Variants in SMAD2 observed in about 807,000 individuals in gnomAD.
SMAD2 encodes the protein SMAD family member 2.
Under a neutral mutation model 64.4 loss-of-function variants are expected in SMAD2, and 8 were observed. The ratio of observed to expected loss-of-function variants is 0.12; its 90% CI spans 0.07 to 0.22. The LOEUF (loss-of-function observed/expected upper bound fraction) is 0.22. Ranked by LOEUF, SMAD2 falls within the 10% of genes least tolerant of loss-of-function variation. SMAD2 has a pLI of 1.00. For synonymous variants in SMAD2, 203 were observed against 195.8 expected (o/e 1.04, Z -0.31); for missense variants, 289 against 561.2 (o/e 0.51, Z 4.90).
At chr18:47,876,078 A>G (rs2032245441) in intron 2 of SMAD2, among the ~76,000 whole-genome samples, 1 of 152,072 alleles carries the variant, frequency 6.6e-6, no homozygotes, top group South Asian at 2.1e-4. Flanking sequence ...CTAAGGATAG[A>G]AAATAGGTCT....
At chr18:47,913,099 T>C (rs1222535105) in intron 1 of SMAD2, among the ~76,000 whole-genome samples, 1 of 152,082 alleles carries the variant, frequency 6.6e-6, no homozygotes, top group Non-Finnish European at 1.5e-5. Flanking sequence ...TTTTGTGTTT[T>C]TAGTAGAGAT....
chr18:47,851,389 A>G (rs1347845250), intron 6 of SMAD2, 62 bp from the exon 7 acceptor site: 1 of 1,057,468 alleles, frequency 9.5e-7, no homozygotes, highest in African/African-American at 1.6e-5. Flanking sequence ...AAGTAATCAT[A>G]AAACTAGCTT....
chr18:47,850,844 ATATAT>A lies in SMAD2; in HGVS notation c.784+425_784+429del, dbSNP rs72375080. Among the ~76,000 whole-genome samples, 62 of 20,072 alleles carry A rather than the reference ATATAT, an allele frequency of 3.1e-3. 4 individuals carry two copies. The highest frequency in any genetic ancestry group is 0.025 in the African/African-American group (59 of 2,338). The allele number at this position is 20,072 out of a possible 152,430, so 13.2% of individuals were successfully genotyped here. A position where few individuals can be genotyped will look rare whatever the true frequency, so the allele number is the denominator to read the frequency against. On this transcript the variant is annotated intron_variant, in intron 7 of 10. Coordinates refer to ENST00000262160, the MANE Select transcript of SMAD2 (RefSeq NM_005901.6). ...ATATATTATATATATTATGTATATT[ATATAT>A]TATATATATTATATATATTATGTAT...
intron 3 of SMAD2, among the ~76,000 whole-genome samples, chr18:47,870,059 C>T (rs1208267514): frequency 1.3e-5 from 2 of 150,852 alleles, no homozygotes; most frequent in African/African-American, 4.9e-5. Context: ...ATGAGTTAAC[C>T]TACTGTTAAT....
intron 1 of SMAD2, among the ~76,000 whole-genome samples, chr18:47,925,446 T>C (rs1299371095): frequency 3.9e-5 from 6 of 152,196 alleles, no homozygotes; most frequent in Admixed American, 2.0e-4. Context: ...AGACACAGAA[T>C]TGCCCTAATA....
At chr18:47,864,130 T>C (rs1188153588) in intron 6 of SMAD2, among the ~76,000 whole-genome samples, 1 of 152,162 alleles carries the variant, frequency 6.6e-6, no homozygotes, top group African/African-American at 2.4e-5. Context: ...ATGTGGAAAG[T>C]CAAATATTAT....
chr18:47,913,823 A>G (rs2034234633), intron 1 of SMAD2, among the ~76,000 whole-genome samples: 1 of 152,246 alleles, frequency 6.6e-6, no homozygotes, highest in Non-Finnish European at 1.5e-5. Flanking sequence ...CTACTGAAAT[A>G]AATTTTCAAC....
At chr18:47,866,501 C>A (rs929442427) in intron 5 of SMAD2, among the ~76,000 whole-genome samples, 1 of 151,768 alleles carries the variant, frequency 6.6e-6, no homozygotes, top group Non-Finnish European at 1.5e-5. Context: ...TCTTCATATA[C>A]TCAAAGAACA....
rs1460887348 is a variant in SMAD2, at chr18:47,822,859, G to A, written c.*18968C>T. On this transcript the variant is annotated 3_prime_UTR_variant, in exon 11 of 11. Coordinates refer to ENST00000262160, the MANE Select transcript of SMAD2 (RefSeq NM_005901.6). Reference sequence around the variant, plus strand: ...ACCCAGCTAATTTTTGTATTTTTTAGTAGAGACGGTGGCCGGGGGGAGGTT... The same window carrying A: ...ACCCAGCTAATTTTTGTATTTTTTAATAGAGACGGTGGCCGGGGGGAGGTT... 2.0e-5 allele frequency: 3 copies of A among 152,130 alleles called. No homozygotes were observed. Among genetic ancestry groups the A allele is most frequent in the African/African-American group, 7.2e-5 (3 of 41,412 alleles). The allele number at this position is 152,130 out of a possible 1,614,324, so 9.4% of individuals were successfully genotyped here.
In SMAD2 at chr18:47,829,326, CTTACCCATTGTATT is replaced by C. The variant is rs1165668926; in HGVS notation, c.*12487_*12500del. 2.6e-5 allele frequency: 4 copies of C among 152,054 alleles called. No homozygotes were observed. The highest frequency in any genetic ancestry group is 9.7e-5 in the African/African-American group (4 of 41,374). The allele number at this position is 152,054 out of a possible 1,614,324, so 9.4% of individuals were successfully genotyped here. On this transcript the variant is annotated 3_prime_UTR_variant, in exon 11 of 11. Transcript: ENST00000262160. Reference sequence around the variant, plus strand: ...TGTCACATACTATTTTGAAGCAAGTCTTACCCATTGTATTTTACCCATAAATGTTTCATTCTGTA... The same window carrying C: ...TGTCACATACTATTTTGAAGCAAGTCTTACCCATAAATGTTTCATTCTGTA...
chr18:47,836,226 T>G lies in SMAD2; in HGVS notation c.*5601A>C. 1 of 223,934 alleles carries G rather than the reference T, an allele frequency of 4.5e-6. No individual in the cohort carries two copies. Among genetic ancestry groups the G allele is most frequent in the Non-Finnish European group, 8.9e-6 (1 of 112,240 alleles). 13.9% of individuals were successfully genotyped at this position (223,934 alleles called of 1,614,324 possible). A position where few individuals can be genotyped will look rare whatever the true frequency, so the allele number is the denominator to read the frequency against. ...TTGTAGTAGTATTTCCCAGGGTAAC[T>G]TAAGCAGCAACCTTGCACCAGAAGA... On this transcript the variant is annotated 3_prime_UTR_variant, in exon 11 of 11. Coordinates refer to ENST00000262160, the MANE Select transcript of SMAD2 (RefSeq NM_005901.6).
At chr18:47,918,050 G>T (rs769274062) in intron 1 of SMAD2, among the ~76,000 whole-genome samples, 31 of 152,306 alleles carry the variant, frequency 2.0e-4, no homozygotes, top group Non-Finnish European at 2.5e-4. Context: ...GGAACCAACA[G>T]CAAGTCACGG....
In SMAD2 at chr18:47,850,835, ATGTATATTATATAT is replaced by A. The variant is rs2029957547; in HGVS notation, c.784+425_784+438del. Among the ~76,000 whole-genome samples, 12 of 17,994 alleles carry A rather than the reference ATGTATATTATATAT, an allele frequency of 6.7e-4. 4 individuals are homozygous for A. Among genetic ancestry groups the A allele is most frequent in the East Asian group, 3.0e-3 (2 of 664 alleles). 11.8% of individuals were successfully genotyped at this position (17,994 alleles called of 152,430 possible). ...TAATATATTATATATTATATATATT[ATGTATATTATATAT>A]TATATATATTATATATATTATGTAT... On this transcript the variant is annotated intron_variant, in intron 7 of 10. Coordinates refer to ENST00000262160, the MANE Select transcript of SMAD2 (RefSeq NM_005901.6).
At chr18:47,904,075 A>G (rs1383290224) in intron 1 of SMAD2, among the ~76,000 whole-genome samples, 2 of 151,976 alleles carry the variant, frequency 1.3e-5, no homozygotes, top group Non-Finnish European at 2.9e-5. Flanking sequence ...TATTAAAGAT[A>G]AAAGTAAGGA....
In SMAD2 at chr18:47,851,275, C is replaced by T. The variant is rs369482219; in HGVS notation, c.783G>A (p.Leu261=). Residue 261 remains leucine (L), a splice_region_variant and synonymous_variant, in exon 7 of 11, where the codon TTG becomes TTA. Transcript: ENST00000262160. ...GAGGGGAACATATGTGCAACTTACC[C>T]AAGCTATGATTAACAGGGGAAAGAG... is the stretch of plus-strand genomic sequence containing the variant. ...PTTLSPVNHS[L]DLQPVTYSEP... 1.2e-6 allele frequency: 2 copies of T among 1,603,716 alleles called. No individual in the cohort carries two copies. The highest frequency in any genetic ancestry group is 2.2e-5 in the East Asian group (1 of 44,666).
At chr18:47,848,375 T>C in intron 8 of SMAD2, 100 bp downstream of exon 8, 1 of 889,374 alleles carries the variant, frequency 1.1e-6, no homozygotes, top group Non-Finnish European at 1.9e-6. Context: ...GAGAGAAAGC[T>C]GGTTTTACTG....
rs1913215407 is a variant in SMAD2 at position 47,834,414 on chromosome 18, T to G, written c.*7413A>C. ...CATATATACAAAACTCTGCTAAAAG[T>G]TTTGTATCCAGGGAAAGTCCCGCAT... On this transcript the variant is annotated 3_prime_UTR_variant, in exon 11 of 11. Transcript: ENST00000262160. 1 of 207,082 alleles carries G rather than the reference T, an allele frequency of 4.8e-6. No individual in the cohort carries two copies. Among genetic ancestry groups the G allele is most frequent in the Non-Finnish European group, 9.9e-6 (1 of 101,492 alleles). 12.8% of individuals were successfully genotyped at this position (207,082 alleles called of 1,614,324 possible). A position where few individuals can be genotyped will look rare whatever the true frequency, so the allele number is the denominator to read the frequency against.
At chr18:47,877,282 G>A (rs943237301) in intron 2 of SMAD2, among the ~76,000 whole-genome samples, 38 of 151,562 alleles carry the variant, frequency 2.5e-4, no homozygotes, top group Middle Eastern at 3.2e-3. Flanking sequence ...TCAACAAAAG[G>A]AACTTTCCTA....
rs1912893578 is a variant in SMAD2, at chr18:47,829,204, T to A, written c.*12623A>T. ...TTCTTCACTACAAGGAATTTCAAAC[T>A]TATCTAAAAGGAAATAGAATACAAC... On this transcript the variant is annotated 3_prime_UTR_variant, in exon 11 of 11. Coordinates refer to ENST00000262160, the MANE Select transcript of SMAD2 (RefSeq NM_005901.6). 1 of 152,110 alleles carries A rather than the reference T, an allele frequency of 6.6e-6. No individual in the cohort carries two copies. The highest frequency in any genetic ancestry group is 1.5e-5 in the Non-Finnish European group (1 of 68,028). The allele number at this position is 152,110 out of a possible 1,614,324, so 9.4% of individuals were successfully genotyped here. A position where few individuals can be genotyped will look rare whatever the true frequency, so the allele number is the denominator to read the frequency against.
Sources: gnomAD v4.1 joint callset for allele counts (sites outside exome capture counted in the v4.1 genomes callset) on GRCh38, gnomAD v4.1.1 for gene constraint, MANE v1.5 for transcripts, NCBI Gene and HGNC (gene_info 2026-07-23, HGNC 2026-07-21) for gene names.